The following SCML1 variants were observed in gnomAD, a reference collection of about 807,000 sequenced individuals.
The protein encoded by SCML1 is Scm polycomb group protein like 1.
For synonymous variants in SCML1, 104 were observed against 103.6 expected, an observed-to-expected ratio of 1.00 and a Z score of -0.02; for missense variants, 137 against 258.1, an observed-to-expected ratio of 0.53 and a Z score of 3.22.
intron 1 of SCML1, among the ~76,000 whole-genome samples, chrX:17,738,471 T>A (rs904108032): frequency 4.4e-5 from 5 of 112,629 alleles, no homozygotes; most frequent in Non-Finnish European, 9.4e-5. Context: ...GGGTGCCCTT[T>A]TGGGCCTCAC....
chrX:17,746,112 G>A lies in SCML1; in HGVS notation c.198+14G>A. On this transcript the variant is annotated intron_variant, in intron 4 of 7. Coordinates refer to ENST00000380041, the MANE Select transcript of SCML1 (RefSeq NM_001037540.3). ...ATTCATTGCCAGGTATGGAAGTTCTGTCTCTTCAATGTAGTTTTCTAAAAT... is the reference window on the plus strand; with the variant it reads ...ATTCATTGCCAGGTATGGAAGTTCTATCTCTTCAATGTAGTTTTCTAAAAT... The A allele has an allele frequency of 1.5e-5, 16 of 1,042,723 alleles. No homozygotes were observed. The highest frequency in any genetic ancestry group is 2.1e-5 in the Non-Finnish European group (16 of 759,792). The allele number at this position is 1,042,723 out of a possible 1,213,427, so 85.9% of individuals were successfully genotyped here.
At chrX:17,739,331 T>G (rs1431732081) in intron 1 of SCML1, among the ~76,000 whole-genome samples, 1 of 111,978 alleles carries the variant, frequency 8.9e-6, no homozygotes, top group African/African-American at 3.3e-5. Flanking sequence ...ATTATTTATC[T>G]TGTGGGAAGA....
intron 5 of SCML1, 30 bp from the exon 6 acceptor site, chrX:17,749,864 T>G: frequency 8.6e-7 from 1 of 1,165,211 alleles, no homozygotes; most frequent in Non-Finnish European, 1.1e-6. Context: ...TTACTCACTG[T>G]TGGTTTATGC....
chrX:17,750,267 A>C lies in SCML1; in HGVS notation c.677A>C (p.Asp226Ala). ...ADSIHNTYSTDHASAAPPSVT... is the reference protein window; with the variant it reads ...ADSIHNTYSTAHASAAPPSVT... ...AGCATCCACAACACTTACTCAACTG[A>C]CCATGCTTCTGCAGCACCACCTTCA... is the stretch of plus-strand genomic sequence containing the variant. Residue 226 changes from aspartate to alanine, a missense_variant, in exon 6 of 8, where the codon GAC (aspartate) becomes GCC (alanine). By Grantham distance (126) the Asp-to-Ala change is moderately radical. Coordinates refer to ENST00000380041, the MANE Select transcript of SCML1 (RefSeq NM_001037540.3). 1.7e-6 allele frequency: 2 copies of C among 1,206,762 alleles called. No homozygotes were observed. Among genetic ancestry groups the C allele is most frequent in the Non-Finnish European group, 2.2e-6 (2 of 892,247 alleles).
chrX:17,753,419 G>A lies in SCML1; in HGVS notation c.*27G>A. On this transcript the variant is annotated 3_prime_UTR_variant, in exon 8 of 8. Transcript: ENST00000380041. ...AAAATCCTTGTGCAAATTTAGATTG[G>A]GCCAACTTCTAGAGGCACCAATGCC... The A allele has an allele frequency of 9.1e-7, 1 of 1,098,991 alleles. No homozygotes were observed. The highest frequency in any genetic ancestry group is 2.6e-4 in the Middle Eastern group (1 of 3,919). 90.6% of individuals were successfully genotyped at this position (1,098,991 alleles called of 1,213,427 possible).
rs753618766 is a variant in SCML1, at chrX:17,744,239, A to G, written c.33+20A>G. Reference sequence around the variant, plus strand: ...GATGTGGTTTGTATTCAAATTGAAAATCTGTCTTTGTTCTTTTTACTGTGC... The same window carrying G: ...GATGTGGTTTGTATTCAAATTGAAAGTCTGTCTTTGTTCTTTTTACTGTGC... On this transcript the variant is annotated intron_variant, in intron 2 of 7. Coordinates refer to ENST00000380041, the MANE Select transcript of SCML1 (RefSeq NM_001037540.3). 21 of 1,177,613 alleles carry G rather than the reference A, an allele frequency of 1.8e-5. No homozygotes were observed. The highest frequency in any genetic ancestry group is 2.1e-5 in the Non-Finnish European group (18 of 865,076).
chrX:17,737,830 G>A lies in SCML1; in HGVS notation c.-117+150G>A, dbSNP rs1024234814. The A allele has an allele frequency of 7.1e-5, 8 of 111,890 alleles. 1 individual carries two copies. In the Admixed American group the frequency reaches 7.5e-4, roughly 11 times the overall value. The allele number at this position is 111,890 out of a possible 1,213,427, so 9.2% of individuals were successfully genotyped here. The stretch of plus-strand genomic sequence containing the variant: ...TTCGCAGCCTCCAATTTCAGCCGCG[G>A]TGTGGAGGGGGGTGCTTTGGGTGGT... On this transcript the variant is annotated intron_variant, in intron 1 of 7. Transcript: ENST00000380041.
intron 2 of SCML1, 100 bp downstream of exon 2, chrX:17,744,319 A>C (rs899099406): frequency 2.1e-5 from 13 of 629,912 alleles, no homozygotes; most frequent in Admixed American, 3.2e-5. Flanking sequence ...CATAGATCAT[A>C]AGTAAATTTT....
rs1264413856 is a variant in SCML1, at chrX:17,754,427, A to G, written c.*1035A>G. On this transcript the variant is annotated 3_prime_UTR_variant, in exon 8 of 8. Transcript: ENST00000380041. ...CCTCTCAACTTACTTTTTAGAGGAC[A>G]AGAAACAATCTGTAGATTGGTTTCC... 1 of 112,307 alleles carries G rather than the reference A, an allele frequency of 8.9e-6. No homozygotes were observed. The highest frequency in any genetic ancestry group is 1.9e-5 in the Non-Finnish European group (1 of 53,214). 9.3% of individuals were successfully genotyped at this position (112,307 alleles called of 1,213,427 possible). A position where few individuals can be genotyped will look rare whatever the true frequency, so the allele number is the denominator to read the frequency against.
intron 5 of SCML1, 59 bp from the exon 6 acceptor site, chrX:17,749,835 A>G: frequency 9.7e-7 from 1 of 1,035,501 alleles, no homozygotes; most frequent in East Asian, 3.0e-5. Flanking sequence ...TGTATTTGCT[A>G]CTAATTTTAT....
At chrX:17,746,373 T>A (rs2066641964) in intron 4 of SCML1, among the ~76,000 whole-genome samples, 1 of 112,352 alleles carries the variant, frequency 8.9e-6, no homozygotes, top group Non-Finnish European at 1.9e-5. Flanking sequence ...TTAAATTAGT[T>A]TCCCCTACAA....
At position 17,750,107 on chromosome X, in the gene SCML1, C is replaced by G; in HGVS notation, c.517C>G (p.Pro173Ala). 1.7e-6 allele frequency: 2 copies of G among 1,211,907 alleles called. No homozygotes were observed. The highest frequency in any genetic ancestry group is 2.2e-6 in the Non-Finnish European group (2 of 895,450). ...EYQRAELEEDPILSRTPSPVH... is the reference protein window; with the variant it reads ...EYQRAELEEDAILSRTPSPVH... ...CCAGCGAGCTGAGCTGGAGGAGGAC[C>G]CGATCCTCAGCCGCACTCCGAGTCC... The change falls in exon 6 of 8, where the codon CCG (proline) becomes GCG (alanine). Residue 173 changes from proline to alanine, a missense_variant. Coordinates refer to ENST00000380041, the MANE Select transcript of SCML1 (RefSeq NM_001037540.3).
Position 17,744,134 on chromosome X carries a change from A to C in SCML1, c.-53A>C, listed in dbSNP as rs370937866. On this transcript the variant is annotated 5_prime_UTR_variant, in exon 2 of 8. Coordinates refer to ENST00000380041, the MANE Select transcript of SCML1 (RefSeq NM_001037540.3). Reference sequence around the variant, plus strand: ...CACAAATAAACCCTCCAGCAAGTTTAAAAATAATTAGGTCCAACTCAGAGG... The same window carrying C: ...CACAAATAAACCCTCCAGCAAGTTTCAAAATAATTAGGTCCAACTCAGAGG... 1.8e-6 allele frequency: 2 copies of C among 1,095,710 alleles called. No individual in the cohort carries two copies. Among genetic ancestry groups the C allele is most frequent in the Non-Finnish European group, 1.3e-6 (1 of 793,374 alleles). 90.3% of individuals were successfully genotyped at this position (1,095,710 alleles called of 1,213,427 possible). A position where few individuals can be genotyped will look rare whatever the true frequency, so the allele number is the denominator to read the frequency against.
At position 17,749,514 on chromosome X, in the gene SCML1, A is replaced by G. The variant is rs2066683189; in HGVS notation, c.303+10A>G. 1.9e-6 allele frequency: 2 copies of G among 1,067,529 alleles called. No individual in the cohort carries two copies. The highest frequency in any genetic ancestry group is 2.6e-6 in the Non-Finnish European group (2 of 776,414). The allele number at this position is 1,067,529 out of a possible 1,213,427, so 88.0% of individuals were successfully genotyped here. ...CCTGTGGACAAATCATGTAAGTGTT[A>G]TAAAAAACATTTTTACAACTGTGAT... is the stretch of plus-strand genomic sequence containing the variant. On this transcript the variant is annotated intron_variant, in intron 5 of 7. Transcript: ENST00000380041.
In SCML1 at chrX:17,753,287, C is replaced by G; in HGVS notation, c.885C>G (p.Leu295=). ...TTGACGGGAAGGCTCTGCTCCTACT[C>G]ACGAGTGACGTGTTGCTGAAGCACT... The part of the protein sequence containing the change: ...HEIDGKALLL[L]TSDVLLKHLG... The change falls in exon 8 of 8, where the codon CTC becomes CTG. Residue 295 remains leucine (L), a synonymous_variant. Coordinates refer to ENST00000380041, the MANE Select transcript of SCML1 (RefSeq NM_001037540.3). The G allele has an allele frequency of 8.5e-7, 1 of 1,181,052 alleles. No individual in the cohort carries two copies. The highest frequency in any genetic ancestry group is 1.1e-6 in the Non-Finnish European group (1 of 878,485).
At chrX:17,751,764 T>C (rs1434862120) in intron 6 of SCML1, 51 bp from the exon 7 acceptor site, 1 of 1,136,282 alleles carries the variant, frequency 8.8e-7, no homozygotes, top group African/African-American at 1.8e-5. Context: ...AGGATAATGA[T>C]CAGGTCGAGT....
intron 1 of SCML1, among the ~76,000 whole-genome samples, chrX:17,738,458 G>T (rs992256539): frequency 4.4e-5 from 5 of 112,792 alleles, no homozygotes; most frequent in Non-Finnish European, 9.4e-5. Flanking sequence ...CGGGGCGTGG[G>T]CTGGGTGCCC....
At chrX:17,747,292 GCCCCCCATCGGGCAT>G (rs2066651294) in intron 4 of SCML1, among the ~76,000 whole-genome samples, 1 of 110,904 alleles carries the variant, frequency 9.0e-6, no homozygotes, top group Non-Finnish European at 1.9e-5. Flanking sequence ...ACTCAGAGCT[GCCCCCCATCGGGCAT>G]CCCCCTCTCT....
At chrX:17,738,630 C>G (rs1279114533) in intron 1 of SCML1, among the ~76,000 whole-genome samples, 1 of 111,364 alleles carries the variant, frequency 9.0e-6, no homozygotes, top group South Asian at 3.9e-4. Flanking sequence ...AAAGTGGTCC[C>G]GGTGGGAGTG....
Sources: allele counts gnomAD v4.1 joint callset (sites outside exome capture counted in the v4.1 genomes callset), GRCh38; gene constraint gnomAD v4.1.1; transcripts MANE v1.5; gene names NCBI Gene and HGNC (gene_info 2026-07-23, HGNC 2026-07-21).